The following P2RX3 variants were observed in gnomAD, a reference collection of about 807,000 sequenced individuals.
P2RX3 encodes P2X purinoceptor 3.
A neutral mutation model predicts 51.5 loss-of-function variants in P2RX3; 41 were observed. The observed-to-expected ratio is 0.80, with a 90% CI of 0.62 to 1.03. The LOEUF is 1.03. P2RX3 is among the 50% of genes least tolerant of loss of function. The pLI, the probability that P2RX3 is intolerant of heterozygous loss-of-function variation, is 0.00. For missense variants in P2RX3, 459 were observed against 522.1 expected, an observed-to-expected ratio of 0.88 and a Z score of 1.18; for synonymous variants, 185 against 191.6, an observed-to-expected ratio of 0.97 and a Z score of 0.29.
intron 8 of P2RX3, among the ~76,000 whole-genome samples, chr11:57,358,963 A>C (rs1215011621): frequency 6.6e-6 from 1 of 152,190 alleles, no homozygotes; most frequent in Non-Finnish European, 1.5e-5. Context: ...GTCCTGTGTT[A>C]GAGGTGTCCT....
At chr11:57,360,391 A>G (rs1856695955) in intron 8 of P2RX3, among the ~76,000 whole-genome samples, 1 of 152,152 alleles carries the variant, frequency 6.6e-6, no homozygotes, top group Non-Finnish European at 1.5e-5. Flanking sequence ...AGGACAACCT[A>G]CCTAAACTCA....
At chr11:57,347,267 T>C in intron 3 of P2RX3, 80 bp downstream of exon 3, 2 of 1,523,930 alleles carry the variant, frequency 1.3e-6, no homozygotes, top group South Asian at 1.2e-5. Flanking sequence ...CAGGGAGGTA[T>C]GAGCAGAGGC....
intron 8 of P2RX3, among the ~76,000 whole-genome samples, chr11:57,366,589 C>T (rs1015238216): frequency 6.6e-6 from 1 of 152,176 alleles, no homozygotes; most frequent in African/African-American, 2.4e-5. Context: ...ACAGAGCAAT[C>T]ACATGCCTAT....
chr11:57,349,978 C>A, intron 7 of P2RX3, 80 bp downstream of exon 7: 1 of 1,573,326 alleles, frequency 6.4e-7, no homozygotes, highest in Admixed American at 1.8e-5. Context: ...CTTTGGCCGG[C>A]ACTGGCCAGG....
At chr11:57,360,212 T>C (rs1489825987) in intron 8 of P2RX3, among the ~76,000 whole-genome samples, 1 of 152,168 alleles carries the variant, frequency 6.6e-6, no homozygotes. Context: ...ATTGCCCCTA[T>C]CGAGAGGCTG....
At chr11:57,346,726 G>A in intron 2 of P2RX3, 47 bp downstream of exon 2, 3 of 1,604,514 alleles carry the variant, frequency 1.9e-6, no homozygotes, top group Non-Finnish European at 2.6e-6. Flanking sequence ...CAGACACTGG[G>A]CAGGTTGGAA....
At chr11:57,366,790 G>A (rs548657247) in intron 8 of P2RX3, among the ~76,000 whole-genome samples, 1 of 152,070 alleles carries the variant, frequency 6.6e-6, no homozygotes, top group African/African-American at 2.4e-5. Flanking sequence ...GAGGGGGCTG[G>A]GTGTGCTAAC....
At position 57,371,503 on chromosome 11, in the gene P2RX3, G is replaced by C. The variant is rs1291348554; in HGVS notation, c.*1506G>C. 1.3e-5 allele frequency among the ~76,000 whole-genome samples: 2 copies of C among 152,200 alleles called. No individual in the cohort carries two copies. The highest frequency in any genetic ancestry group is 3.9e-4 in the East Asian group (2 of 5,186). ...CCCTCAACACACGGCACAGGAAGTG[G>C]GGAAGGGACAGCTTCAGGAGTAGTT... On this transcript the variant is annotated 3_prime_UTR_variant, in exon 12 of 12. Transcript: ENST00000263314.
chr11:57,343,628 T>C (rs574594576), intron 1 of P2RX3, among the ~76,000 whole-genome samples: 135 of 152,298 alleles, frequency 8.9e-4, no homozygotes, highest in Middle Eastern at 3.4e-3. Flanking sequence ...GCCGCATTGG[T>C]TATATAATAC....
chr11:57,368,374 T>G lies in P2RX3; in HGVS notation c.939T>G (p.Ala313=). 1 of 1,614,128 alleles carries G rather than the reference T, an allele frequency of 6.2e-7. No individual in the cohort carries two copies. The highest frequency in any genetic ancestry group is 8.5e-7 in the Non-Finnish European group (1 of 1,180,024). The change falls in exon 10 of 12, where the codon GCT becomes GCG. Residue 313 remains alanine (A), a splice_region_variant and synonymous_variant. Coordinates refer to ENST00000263314, the MANE Select transcript of P2RX3 (RefSeq NM_002559.5). The part of the protein sequence containing the change: ...IRFDVLVYGN[A]GKFNIIPTII... ...TGCCTTGGTCTTTGTGCACACAGGC[T>G]GGCAAGTTCAACATCATCCCCACCA...
upstream of P2RX3, among the ~76,000 whole-genome samples, chr11:57,337,153 G>A (rs963674342): frequency 2.6e-5 from 4 of 151,786 alleles, no homozygotes; most frequent in African/African-American, 9.7e-5. Context: ...TTAGCCAGGC[G>A]TGGTGGCGGG....
intron 8 of P2RX3, among the ~76,000 whole-genome samples, chr11:57,357,189 CACGCACCTGTAATCCCAGTT>C (rs1448323700): frequency 2.0e-5 from 3 of 152,098 alleles, no homozygotes; most frequent in African/African-American, 7.2e-5. Flanking sequence ...GGCGTGGTGG[CACGCACCTGTAATCCCAGTT>C]ACTCAGGAGG....
intron 1 of P2RX3, among the ~76,000 whole-genome samples, chr11:57,345,659 A>C (rs1301701923): frequency 6.6e-6 from 1 of 152,164 alleles, no homozygotes; most frequent in African/African-American, 2.4e-5. Flanking sequence ...CTTTATAGGA[A>C]AGCAGAGGCA....
chr11:57,363,417 C>A (rs1201348697), intron 8 of P2RX3, among the ~76,000 whole-genome samples: 2 of 152,088 alleles, frequency 1.3e-5, no homozygotes, highest in South Asian at 2.1e-4. Context: ...GGGTGGGGAG[C>A]GCCATGCAGT....
chr11:57,360,408 G>C (rs1344121170), intron 8 of P2RX3, among the ~76,000 whole-genome samples: 43 of 152,144 alleles, frequency 2.8e-4, no homozygotes, highest in Admixed American at 2.7e-3. Flanking sequence ...CTCAATCTTT[G>C]AGATGTCAAG....
intron 8 of P2RX3, 122 bp downstream of exon 8, chr11:57,351,020 T>C: frequency 7.1e-7 from 1 of 1,410,784 alleles, no homozygotes; most frequent in Non-Finnish European, 9.7e-7. Flanking sequence ...CCACCTCAGG[T>C]TTCATTTCAA....
intron 5 of P2RX3, 54 bp downstream of exon 5, chr11:57,348,317 G>A: frequency 6.8e-7 from 1 of 1,475,876 alleles, no homozygotes; most frequent in Non-Finnish European, 9.2e-7. Flanking sequence ...GCTCCCCTTT[G>A]CCCATGTGGG....
Position 57,368,064 on chromosome 11 carries a change from G to C in P2RX3, c.898G>C (p.Ala300Pro), listed in dbSNP as rs1408593694. 1 of 1,614,162 alleles carries C rather than the reference G, an allele frequency of 6.2e-7. No homozygotes were observed. Among genetic ancestry groups the C allele is most frequent in the Non-Finnish European group, 8.5e-7 (1 of 1,180,038 alleles). The change falls in exon 9 of 12, where the codon GCT becomes CCT. Residue 300 changes from alanine (A) to proline (P), a missense_variant. Physicochemically the swap from Ala to Pro is conservative, Grantham distance 27. Coordinates refer to ENST00000263314, the MANE Select transcript of P2RX3 (RefSeq NM_002559.5). ...CAGTGAGTACCGCACCCTCCTGAAG[G>C]CTTTTGGCATCCGCTTCGACGTGCT... is the stretch of plus-strand genomic sequence containing the variant. ...NGSEYRTLLK[A>P]FGIRFDVLVY...
At chr11:57,336,460 ACAT>A (rs1363854963), upstream of P2RX3, among the ~76,000 whole-genome samples, 7 of 152,200 alleles carry the variant, frequency 4.6e-5, no homozygotes, top group African/African-American at 1.7e-4. Context: ...ATTTGAAACC[ACAT>A]CATCCTGTGG....
Sources: gnomAD v4.1 joint callset for allele counts (sites outside exome capture counted in the v4.1 genomes callset) on GRCh38, gnomAD v4.1.1 for gene constraint, MANE v1.5 for transcripts, NCBI Gene and HGNC (gene_info 2026-07-23, HGNC 2026-07-21) for gene names.